MYO3B: variants seen among roughly 807,000 people sequenced by gnomAD.
MYO3B encodes the protein myosin IIIB, also known as myosin-IIIb.
In MYO3B, 156 loss-of-function variants were observed where a neutral mutation model predicts 174.6. The ratio of observed to expected loss-of-function variants is 0.89; its 90% CI spans 0.78 to 1.02. The LOEUF is 1.02. MYO3B is among the 50% of genes least tolerant of loss of function. The pLI is 0.00. For missense variants in MYO3B, 1,632 were observed against 1,639.4 expected, an observed-to-expected ratio of 1.00 and a Z score of 0.08; for synonymous variants, 563 against 569.1, an observed-to-expected ratio of 0.99 and a Z score of 0.15.
chr2:170,291,959 G>T (rs1471554795), intron 7 of MYO3B, among the ~76,000 whole-genome samples: 2 of 151,936 alleles, frequency 1.3e-5, no homozygotes. Flanking sequence ...CCTGTACCTG[G>T]ATATTTATAC....
At chr2:170,344,746 T>C (rs756551906) in intron 8 of MYO3B, 1 of 152,150 alleles carries the variant, frequency 6.6e-6, no homozygotes, top group South Asian at 2.1e-4. Context: ...GTGATAAGAA[T>C]AGTATTATCA....
chr2:170,449,005 G>A (rs939818766), intron 23 of MYO3B, among the ~76,000 whole-genome samples: 4 of 152,192 alleles, frequency 2.6e-5, no homozygotes, highest in Admixed American at 1.3e-4. Flanking sequence ...ATCTCAGATT[G>A]TACTTTTAAA....
chr2:170,516,471 A>G (rs1688316943), intron 29 of MYO3B, among the ~76,000 whole-genome samples: 1 of 151,882 alleles, frequency 6.6e-6, no homozygotes, highest in Non-Finnish European at 1.5e-5. Flanking sequence ...ATGAAACCCC[A>G]TCTCTACTAA....
intron 8 of MYO3B, among the ~76,000 whole-genome samples, chr2:170,338,955 A>G (rs113861698): frequency 6.6e-6 from 1 of 152,206 alleles, no homozygotes. Flanking sequence ...CTAGGCTGCC[A>G]TTACTCAGCC....
intron 25 of MYO3B, among the ~76,000 whole-genome samples, chr2:170,486,299 C>CTTTTTTT (rs10715918): frequency 6.0e-5 from 6 of 99,180 alleles, no homozygotes; most frequent in Non-Finnish European, 7.9e-5. Context: ...AGAATCCATT[C>CTTTTTTT]TTTTTTTTTT....
chr2:170,608,308 C>G (rs1694937765), intron 32 of MYO3B, among the ~76,000 whole-genome samples: 1 of 152,154 alleles, frequency 6.6e-6, no homozygotes, highest in Non-Finnish European at 1.5e-5. Flanking sequence ...CTACAAGATA[C>G]AGATATTTAT....
intron 7 of MYO3B, among the ~76,000 whole-genome samples, chr2:170,312,332 C>T (rs191595179): frequency 2.6e-5 from 4 of 152,330 alleles, no homozygotes; most frequent in African/African-American, 4.8e-5. Context: ...ATCCAGACAG[C>T]GTTTACTTAA....
intron 25 of MYO3B, among the ~76,000 whole-genome samples, chr2:170,495,761 C>T (rs915157731): frequency 2.6e-5 from 4 of 152,298 alleles, no homozygotes; most frequent in East Asian, 1.9e-4. Flanking sequence ...TACTTAAAGC[C>T]GGTGGAACCC....
rs549507676 is a variant in MYO3B at position 170,547,329 on chromosome 2, C to CA, written c.3733+3356dup. 2.2e-3 allele frequency among the ~76,000 whole-genome samples: 217 copies of CA among 99,784 alleles called. 1 individual carries two copies. Among genetic ancestry groups the CA allele is most frequent in the Middle Eastern group, 0.011 (2 of 182 alleles). 65.5% of individuals were successfully genotyped at this position (99,784 alleles called of 152,430 possible). A position where few individuals can be genotyped will look rare whatever the true frequency, so the allele number is the denominator to read the frequency against. On this transcript the variant is annotated intron_variant, in intron 32 of 34. Coordinates refer to ENST00000408978, the MANE Select transcript of MYO3B (RefSeq NM_138995.5). ...TGGGCGACAGAGCAAGACTCTGTCTCAAAAAAAAAAAAAAAGAAGTGTCCC... is the reference window on the plus strand; with the variant it reads ...TGGGCGACAGAGCAAGACTCTGTCTCAAAAAAAAAAAAAAAAGAAGTGTCCC...
chr2:170,270,682 CTA>C (rs2093419160), intron 7 of MYO3B, among the ~76,000 whole-genome samples: 1 of 152,120 alleles, frequency 6.6e-6, no homozygotes, highest in South Asian at 2.1e-4. Flanking sequence ...GAGCCATTTT[CTA>C]TGTTTCCTCC....
chr2:170,533,592 A>G (rs138543243), intron 30 of MYO3B, among the ~76,000 whole-genome samples: 105 of 152,308 alleles, frequency 6.9e-4, no homozygotes, highest in African/African-American at 2.3e-3. Context: ...CCCACAAGTT[A>G]CTTTAAGACT....
At chr2:170,404,154 A>C in intron 19 of MYO3B, 93 bp from the exon 20 acceptor site, 1 of 1,278,830 alleles carries the variant, frequency 7.8e-7, no homozygotes, top group Admixed American at 2.4e-5. Context: ...CATGCATTCA[A>C]TGTTGCTAGA....
chr2:170,392,563 A>G, intron 16 of MYO3B, 68 bp downstream of exon 16: 3 of 1,042,796 alleles, frequency 2.9e-6, no homozygotes, highest in Admixed American at 2.5e-5. Context: ...AAGATGTGGT[A>G]TTTCTCACTT....
chr2:170,432,371 TA>T (rs2094716326), intron 22 of MYO3B, among the ~76,000 whole-genome samples: 1 of 151,860 alleles, frequency 6.6e-6, no homozygotes. Flanking sequence ...TGTTTTTAAT[TA>T]AAAAATTAAA....
At chr2:170,644,759 G>T (rs1698238039) in intron 32 of MYO3B, 1 of 152,252 alleles carries the variant, frequency 6.6e-6, no homozygotes, top group Non-Finnish European at 1.5e-5. Context: ...TTGGGCACAT[G>T]TGCAGCCACA....
At chr2:170,380,785 GC>G (rs2094329464) in intron 9 of MYO3B, among the ~76,000 whole-genome samples, 1 of 152,078 alleles carries the variant, frequency 6.6e-6, no homozygotes, top group Admixed American at 6.5e-5. Flanking sequence ...ATTACTAGTA[GC>G]AAAAAAATTG....
intron 32 of MYO3B, among the ~76,000 whole-genome samples, chr2:170,632,705 T>C (rs1388154970): frequency 6.6e-6 from 1 of 152,074 alleles, no homozygotes; most frequent in African/African-American, 2.4e-5. Context: ...GCTGGTTTTT[T>C]GAAAAGATCA....
intron 1 of MYO3B, among the ~76,000 whole-genome samples, chr2:170,182,355 A>G (rs1177707480): frequency 1.3e-5 from 2 of 152,174 alleles, no homozygotes; most frequent in Non-Finnish European, 2.9e-5. Context: ...TTAAGCCAGC[A>G]TAATTTATTG....
intron 29 of MYO3B, among the ~76,000 whole-genome samples, chr2:170,517,823 G>A (rs1688416998): frequency 6.6e-6 from 1 of 151,998 alleles, no homozygotes; most frequent in African/African-American, 2.4e-5. Flanking sequence ...CAAGAGGGGG[G>A]AAAACCTGCC....
Sources: gnomAD v4.1 joint callset for allele counts (sites outside exome capture counted in the v4.1 genomes callset) on GRCh38, gnomAD v4.1.1 for gene constraint, MANE v1.5 for transcripts, NCBI Gene and HGNC (gene_info 2026-07-23, HGNC 2026-07-21) for gene names.